The following PCDHA5 variants were observed in gnomAD, a reference collection of about 807,000 sequenced individuals.
PCDHA5 encodes protocadherin alpha 5.
In PCDHA5, 43 loss-of-function variants were observed where a neutral mutation model predicts 61.6. The observed-to-expected ratio is 0.70, with a 90% confidence interval of 0.55 to 0.90. The LOEUF is 0.90. Ranked by LOEUF, PCDHA5 falls within the 40% of genes least tolerant of loss-of-function variation. PCDHA5 has a pLI of 0.00. For missense variants in PCDHA5, 1,298 were observed against 1,222.7 expected (o/e 1.06, Z -0.92); for synonymous variants, 627 against 543.9 (o/e 1.15, Z -2.13).
At chr5:140,867,550 C>G (rs2153229616) in intron 1 of PCDHA5, 1 of 152,198 alleles carries the variant, frequency 6.6e-6, no homozygotes, top group South Asian at 2.1e-4. Flanking sequence ...TTAGCATACA[C>G]ATATGATAAC....
rs2150326977 is a variant in PCDHA5, at chr5:140,841,986, T to C, written c.2352+17859T>C. ...GCCACAGATGGGGGCAAACCTGAGCTCACAGGCACTGTTCAGCTGCTGGTC... is the reference window on the plus strand; with the variant it reads ...GCCACAGATGGGGGCAAACCTGAGCCCACAGGCACTGTTCAGCTGCTGGTC... On this transcript the variant is annotated intron_variant, in intron 1 of 3. Transcript: ENST00000529859. 2 of 1,613,792 alleles carry C rather than the reference T, an allele frequency of 1.2e-6. 1 individual carries two copies. The highest frequency in any genetic ancestry group is 4.5e-5 in the East Asian group (2 of 44,836).
At chr5:140,913,706 C>A (rs1431880255) in intron 1 of PCDHA5, among the ~76,000 whole-genome samples, 4 of 152,054 alleles carry the variant, frequency 2.6e-5, no homozygotes, top group Non-Finnish European at 5.9e-5. Context: ...CCAATGTAGG[C>A]AATTACAGCT....
At chr5:140,851,158 C>A in intron 1 of PCDHA5, 1 of 1,299,046 alleles carries the variant, frequency 7.7e-7, no homozygotes, top group Non-Finnish European at 9.9e-7. Flanking sequence ...ATTTCTGATG[C>A]TATGCTGCCA....
intron 1 of PCDHA5, chr5:140,868,962 A>G (rs1554162350): frequency 1.4e-5 from 20 of 1,421,940 alleles, no homozygotes; most frequent in Non-Finnish European, 3.8e-6. Flanking sequence ...CTCCCATACA[A>G]AGGAACTCCA....
rs782628181 is a variant in PCDHA5, at chr5:140,850,474, C to G, written c.2352+26347C>G. 1.3e-6 allele frequency: 2 copies of G among 1,597,756 alleles called. 1 individual carries two copies. The highest frequency in any genetic ancestry group is 1.7e-6 in the Non-Finnish European group (2 of 1,167,580). On this transcript the variant is annotated intron_variant, in intron 1 of 3. Coordinates refer to ENST00000529859, the MANE Select transcript of PCDHA5 (RefSeq NM_018908.3). ...AAAGACCACGGGGAGCCAGCGCTGA[C>G]GGCCACGGCCACTGTGCTGGTGTCG...
Position 140,822,186 on chromosome 5 carries a change from A to G in PCDHA5, c.411A>G (p.Gln137=), listed in dbSNP as rs2150114425. 8.1e-6 allele frequency: 13 copies of G among 1,614,252 alleles called. 1 individual carries two copies. The South Asian group carries it at 1.3e-4, about 16-fold the overall frequency. ...CGCCCAGGTTCTCCAGACAAGAACA[A>G]AGATTATTCATTTTAGAGTCAAGAA... ...DNPPRFSRQE[Q]RLFILESRMP... The change falls in exon 1 of 4, where the codon CAA becomes CAG. Residue 137 remains glutamine, a synonymous_variant. Transcript: ENST00000529859.
At chr5:141,009,528 G>A in intron 3 of PCDHA5, 99 bp from the exon 4 acceptor site, 4 of 1,508,216 alleles carry the variant, frequency 2.7e-6, no homozygotes, top group Non-Finnish European at 3.5e-6. Flanking sequence ...TTCTGGGGAG[G>A]TTCAGCCTGC....
In PCDHA5 at chr5:140,824,113, A is replaced by G. The variant is rs1581806457; in HGVS notation, c.2338A>G (p.Thr780Ala). The G allele has an allele frequency of 6.2e-7, 1 of 1,613,954 alleles. No homozygotes were observed. The part of the protein sequence containing the change: ...AFSPSLPQGP[T>A]STDNPRQPNP... ...CAGTCCAAGCCTTCCTCAGGGTCCC[A>G]CCTCTACAGACAACGTGAGTTTTCT... The change falls in exon 1 of 4, where the codon ACC becomes GCC. Residue 780 changes from threonine to alanine, a missense_variant. By Grantham distance (58) the Thr-to-Ala change is moderately conservative (BLOSUM62 0). Coordinates refer to ENST00000529859, the MANE Select transcript of PCDHA5 (RefSeq NM_018908.3).
At chr5:140,939,911 T>C (rs1554213037) in intron 1 of PCDHA5, among the ~76,000 whole-genome samples, 1 of 152,232 alleles carries the variant, frequency 6.6e-6, no homozygotes, top group African/African-American at 2.4e-5. Flanking sequence ...TTCTTTTTTA[T>C]TCTTTTTGTT....
At chr5:140,888,544 C>T (rs1295573540) in intron 1 of PCDHA5, among the ~76,000 whole-genome samples, 1 of 152,140 alleles carries the variant, frequency 6.6e-6, no homozygotes, top group Non-Finnish European at 1.5e-5. Flanking sequence ...TGCTCAGTAC[C>T]AATTTATTCC....
chr5:140,899,468 G>A (rs1243330987), intron 1 of PCDHA5, among the ~76,000 whole-genome samples: 131 of 152,196 alleles, frequency 8.6e-4, no homozygotes, highest in Admixed American at 2.5e-3. Context: ...TTTGTCTTTG[G>A]TTCTGTTTAT....
At chr5:140,930,842 T>C (rs183476886) in intron 1 of PCDHA5, among the ~76,000 whole-genome samples, 1 of 152,338 alleles carries the variant, frequency 6.6e-6, no homozygotes, top group Admixed American at 6.5e-5. Flanking sequence ...TGAATAAATA[T>C]GTGCATATAT....
At chr5:140,926,483 A>C (rs1261469017) in intron 1 of PCDHA5, 4 of 168,788 alleles carry the variant, frequency 2.4e-5, no homozygotes, top group East Asian at 1.7e-4. Flanking sequence ...TAAGGAGAGA[A>C]GTGTTAGTGT....
chr5:140,953,648 A>C (rs2094921161), intron 1 of PCDHA5, among the ~76,000 whole-genome samples: 1 of 152,150 alleles, frequency 6.6e-6, no homozygotes, highest in Non-Finnish European at 1.5e-5. Flanking sequence ...CAGGAGCTAT[A>C]GTTGTTATCT....
chr5:140,936,270 T>C (rs1367001317), intron 1 of PCDHA5, among the ~76,000 whole-genome samples: 1 of 152,226 alleles, frequency 6.6e-6, no homozygotes, highest in African/African-American at 2.4e-5. Flanking sequence ...GAAGATATAT[T>C]CCTGTGTTTT....
chr5:140,896,214 G>C (rs1265727629), intron 1 of PCDHA5, among the ~76,000 whole-genome samples: 4 of 152,208 alleles, frequency 2.6e-5, no homozygotes, highest in Non-Finnish European at 5.9e-5. Context: ...ACACATACAT[G>C]TGTCTTTATA....
At chr5:140,926,494 C>T (rs565938693) in intron 1 of PCDHA5, 46 of 181,758 alleles carry the variant, frequency 2.5e-4, no homozygotes, top group African/African-American at 1.0e-3. Flanking sequence ...GTGTTAGTGT[C>T]TCGGGGCGTC....
chr5:140,973,586 C>A (rs1207651483), intron 1 of PCDHA5, among the ~76,000 whole-genome samples: 1 of 152,176 alleles, frequency 6.6e-6, no homozygotes, highest in Non-Finnish European at 1.5e-5. Flanking sequence ...GACTGCTGAG[C>A]CAGATGGAAT....
At chr5:140,956,701 G>A (rs549659732) in intron 1 of PCDHA5, among the ~76,000 whole-genome samples, 30 of 152,256 alleles carry the variant, frequency 2.0e-4, no homozygotes, top group Admixed American at 1.4e-3. Context: ...CCATTGTTTG[G>A]AATAGCTTCA....
Sources: gnomAD v4.1 joint callset for allele counts (sites outside exome capture counted in the v4.1 genomes callset) on GRCh38, gnomAD v4.1.1 for gene constraint, MANE v1.5 for transcripts, NCBI Gene and HGNC (gene_info 2026-07-23, HGNC 2026-07-21) for gene names.